The following MAP3K5 variants were observed in gnomAD, a reference collection of about 807,000 sequenced individuals.
MAP3K5 encodes ASK-1.
MAP3K5 carries 56 observed loss-of-function variants against 158.7 expected under a neutral mutation model. The observed-to-expected ratio is 0.35, with a 90% CI of 0.28 to 0.44. MAP3K5 has a LOEUF of 0.44. Among genes scored for constraint, MAP3K5 ranks in the 20% least tolerant of loss-of-function variants. The pLI, the probability that MAP3K5 is intolerant of heterozygous loss-of-function variation, is 1.00. For missense variants in MAP3K5, 1,294 were observed against 1,674.8 expected, an observed-to-expected ratio of 0.77 and a Z score of 3.97; for synonymous variants, 579 against 601.7, an observed-to-expected ratio of 0.96 and a Z score of 0.55.
chr6:136,761,288 T>TA (rs368661488), intron 1 of MAP3K5, among the ~76,000 whole-genome samples: 6,050 of 118,384 alleles, frequency 0.051, 513 homozygotes, highest in African/African-American at 0.18. Context: ...ACCCTAACTT[T>TA]AAAAAAAAAA....
chr6:136,677,106 T>C (rs902494508), intron 7 of MAP3K5, among the ~76,000 whole-genome samples: 22 of 150,174 alleles, frequency 1.5e-4, no homozygotes, highest in Admixed American at 1.3e-3. Context: ...GTTGGTTTTG[T>C]AGATGTTAAA....
intron 1 of MAP3K5, among the ~76,000 whole-genome samples, chr6:136,748,335 T>C (rs1335454759): frequency 1.3e-5 from 2 of 152,320 alleles, no homozygotes; most frequent in Non-Finnish European, 2.9e-5. Flanking sequence ...TGTTCCATTA[T>C]TGGAACACCA....
chr6:136,697,575 G>C (rs1465712212), intron 4 of MAP3K5, among the ~76,000 whole-genome samples, 188 bp from the exon 5 acceptor site: 1 of 140,136 alleles, frequency 7.1e-6, no homozygotes, highest in Admixed American at 6.8e-5. Context: ...AGAAGCCAAT[G>C]TATTTCTTTT....
In MAP3K5 at chr6:136,623,683, C is replaced by T. The variant is rs1583290117; in HGVS notation, c.2017-702G>A. On this transcript the variant is annotated intron_variant, in intron 14 of 29. Transcript: ENST00000359015. ...ACCTCCTCAGATCTGGAGGCATCAC[C>T]CCAAAGCCACATCCTTTGTGCTGGA... Among the ~76,000 whole-genome samples, 5 of 152,256 alleles carry T rather than the reference C, an allele frequency of 3.3e-5. No homozygotes were observed. The East Asian group carries it at 7.7e-4, about 23-fold the overall frequency.
chr6:136,580,516 A>C (rs1166835367), intron 24 of MAP3K5, 110 bp from the exon 25 acceptor site: 2 of 610,412 alleles, frequency 3.3e-6, no homozygotes, highest in East Asian at 5.6e-5. Flanking sequence ...AAGTTTCTTC[A>C]ACTTGAATTC....
At position 136,563,852 on chromosome 6, in the gene MAP3K5, C is replaced by T. The variant is rs557202670; in HGVS notation, c.3762-1237G>A. Among the ~76,000 whole-genome samples the T allele has an allele frequency of 3.3e-5, 5 of 152,286 alleles. No homozygotes were observed. The South Asian group carries it at 1.0e-3, about 32-fold the overall frequency. ...GGATAAATCGTTGCATAAACTACAG[C>T]TCTTAACAAACTCTATTTGTTTCAT... On this transcript the variant is annotated intron_variant, in intron 26 of 29. Coordinates refer to ENST00000359015, the MANE Select transcript of MAP3K5 (RefSeq NM_005923.4).
intron 28 of MAP3K5, 108 bp from the exon 29 acceptor site, chr6:136,558,984 A>T: frequency 3.0e-6 from 2 of 664,910 alleles, no homozygotes; most frequent in South Asian, 3.8e-5. Flanking sequence ...GAATCTAAAA[A>T]TGAAATCTAC....
In MAP3K5 at chr6:136,609,842, C is replaced by A. The variant is rs1776253917; in HGVS notation, c.2521+1440G>T. 6.6e-6 allele frequency among the ~76,000 whole-genome samples: 1 copy of A among 150,780 alleles called. No individual in the cohort carries two copies. The highest frequency in any genetic ancestry group is 6.6e-5 in the Admixed American group (1 of 15,060). On this transcript the variant is annotated intron_variant, in intron 18 of 29. Transcript: ENST00000359015. This position sits in a 1 kb window ranked among gnomAD's most constrained non-coding sequence, Gnocchi z 4.4. Reference sequence around the variant, plus strand: ...AAACAGTTTTGCCAGGCATGACATCCTAGATACTTAGGAGAGTGGGGTGGG... The same window carrying A: ...AAACAGTTTTGCCAGGCATGACATCATAGATACTTAGGAGAGTGGGGTGGG...
chr6:136,660,892 C>T (rs1348477407), intron 8 of MAP3K5, among the ~76,000 whole-genome samples: 1 of 151,452 alleles, frequency 6.6e-6, no homozygotes, highest in Non-Finnish European at 1.5e-5. Flanking sequence ...ATGCAAATTT[C>T]TGTAGAGTGG....
chr6:136,588,911 C>A lies in MAP3K5; in HGVS notation c.3225+3262G>T, dbSNP rs113107976. On this transcript the variant is annotated intron_variant, in intron 23 of 29. Transcript: ENST00000359015. ...GCCTCAGAGTAACTGCCCGAGACAGCTTTCCTTTAGGACCCAAGTCAAGGT... is the reference window on the plus strand; with the variant it reads ...GCCTCAGAGTAACTGCCCGAGACAGATTTCCTTTAGGACCCAAGTCAAGGT... Among the ~76,000 whole-genome samples, 893 of 152,312 alleles carry A rather than the reference C, an allele frequency of 5.9e-3. 6 individuals carry two copies. Among genetic ancestry groups the A allele is most frequent in the East Asian group, 0.039 (204 of 5,182 alleles).
chr6:136,714,351 A>G (rs1343300949), intron 2 of MAP3K5, among the ~76,000 whole-genome samples: 1 of 152,212 alleles, frequency 6.6e-6, no homozygotes, highest in Non-Finnish European at 1.5e-5. Flanking sequence ...TTTCAAAACT[A>G]TAACCATTTG....
chr6:136,701,507 A>G (rs571784738), intron 3 of MAP3K5, among the ~76,000 whole-genome samples: 5 of 152,346 alleles, frequency 3.3e-5, no homozygotes, highest in Non-Finnish European at 5.9e-5. Context: ...AATAATTAGA[A>G]GAGGAAACAA....
intron 1 of MAP3K5, among the ~76,000 whole-genome samples, chr6:136,739,325 A>G (rs1446126958): frequency 1.3e-5 from 2 of 151,850 alleles, no homozygotes; most frequent in African/African-American, 4.8e-5. Flanking sequence ...AGCCCTCAAC[A>G]CCCTGAGCCC....
chr6:136,734,263 A>T (rs1782355917), intron 1 of MAP3K5, among the ~76,000 whole-genome samples: 1 of 151,824 alleles, frequency 6.6e-6, no homozygotes, highest in Admixed American at 6.6e-5. Context: ...TACTAACAAT[A>T]CAAAAAATTA....
At chr6:136,676,536 T>C (rs539547886) in intron 7 of MAP3K5, among the ~76,000 whole-genome samples, 2 of 152,256 alleles carry the variant, frequency 1.3e-5, no homozygotes, top group Admixed American at 1.3e-4. Context: ...CTTTTATTGA[T>C]TGTTGTTTAT....
chr6:136,735,639 G>A (rs973823659), intron 1 of MAP3K5, among the ~76,000 whole-genome samples: 1 of 152,084 alleles, frequency 6.6e-6, no homozygotes, highest in Non-Finnish European at 1.5e-5. Flanking sequence ...AGACCAGCCT[G>A]AGCAACAAAG....
chr6:136,664,549 G>A (rs1362923372), intron 8 of MAP3K5, among the ~76,000 whole-genome samples: 1 of 152,114 alleles, frequency 6.6e-6, no homozygotes, highest in Non-Finnish European at 1.5e-5. Context: ...TCTGTCTGAT[G>A]TAACTTCTTG....
intron 1 of MAP3K5, among the ~76,000 whole-genome samples, chr6:136,785,068 G>C (rs759391212): frequency 2.0e-4 from 30 of 152,198 alleles, no homozygotes; most frequent in Admixed American, 1.8e-3. Context: ...AAATATATGA[G>C]ACAATATACT....
chr6:136,642,132 C>T (rs1385951864), intron 12 of MAP3K5, among the ~76,000 whole-genome samples: 1 of 151,228 alleles, frequency 6.6e-6, no homozygotes, highest in Non-Finnish European at 1.5e-5. Context: ...GGCATGTGTG[C>T]TTTGTATCCA....
Sources: allele counts gnomAD v4.1 joint callset (sites outside exome capture counted in the v4.1 genomes callset), GRCh38; gene constraint gnomAD v4.1.1; non-coding constraint Gnocchi (gnomAD v3.1); transcripts MANE v1.5; gene names NCBI Gene and HGNC (gene_info 2026-07-23, HGNC 2026-07-21).